The following TECRL variants were observed in gnomAD, a reference collection of about 807,000 sequenced individuals.
TECRL encodes the protein trans-2,3-enoyl-CoA reductase like.
A neutral mutation model predicts 52.8 loss-of-function variants in TECRL; 63 were observed. The observed-to-expected ratio is 1.19, with a 90% CI of 0.97 to 1.47. The LOEUF is 1.47. TECRL is among the 40% of genes most tolerant of loss of function. The pLI is 0.00. For synonymous variants in TECRL, 164 were observed against 141.9 expected (o/e 1.16, Z -1.10); for missense variants, 482 against 429.6 (o/e 1.12, Z -1.08).
At chr4:64,386,655 T>A (rs1723195952) in intron 1 of TECRL, among the ~76,000 whole-genome samples, 2 of 152,202 alleles carry the variant, frequency 1.3e-5, no homozygotes. Context: ...ATACTTATGC[T>A]GTTTTTCAAG....
At chr4:64,277,510 A>G (rs1722614045), downstream of TECRL, among the ~76,000 whole-genome samples, 1 of 151,788 alleles carries the variant, frequency 6.6e-6, no homozygotes, top group Non-Finnish European at 1.5e-5. Flanking sequence ...TTTTAATAGT[A>G]TGCTTTGGGA....
intron 9 of TECRL, among the ~76,000 whole-genome samples, chr4:64,285,733 G>A (rs1409605938): frequency 6.6e-6 from 1 of 152,074 alleles, no homozygotes; most frequent in Non-Finnish European, 1.5e-5. Flanking sequence ...GGGAGAAATT[G>A]AATACAATTA....
At chr4:64,341,614 A>G (rs965708558) in intron 2 of TECRL, among the ~76,000 whole-genome samples, 1 of 152,076 alleles carries the variant, frequency 6.6e-6, no homozygotes, top group Non-Finnish European at 1.5e-5. Context: ...TAAAAAAAAA[A>G]TGGGGCTAAA....
intron 3 of TECRL, among the ~76,000 whole-genome samples, chr4:64,324,677 A>C (rs1440000322): frequency 6.6e-6 from 1 of 152,132 alleles, no homozygotes; most frequent in African/African-American, 2.4e-5. Flanking sequence ...GGTCATGTTA[A>C]TGTATATGGT....
chr4:64,305,969 T>C (rs1724312783), intron 6 of TECRL, among the ~76,000 whole-genome samples: 1 of 152,188 alleles, frequency 6.6e-6, no homozygotes, highest in Non-Finnish European at 1.5e-5. Context: ...CACTCTCCAG[T>C]GTCCATGTTC....
chr4:64,330,825 A>C (rs1718587446), intron 2 of TECRL, among the ~76,000 whole-genome samples: 1 of 152,166 alleles, frequency 6.6e-6, no homozygotes, highest in Non-Finnish European at 1.5e-5. Context: ...TGAAGCATGC[A>C]GTCAATACAA....
At chr4:64,358,959 G>A (rs951351946) in intron 2 of TECRL, among the ~76,000 whole-genome samples, 1 of 151,604 alleles carries the variant, frequency 6.6e-6, no homozygotes, top group Admixed American at 6.6e-5. Context: ...TATCCATAAG[G>A]ACCAATAATT....
At chr4:64,374,486 G>A (rs956584392) in intron 2 of TECRL, among the ~76,000 whole-genome samples, 3 of 151,616 alleles carry the variant, frequency 2.0e-5, no homozygotes. Flanking sequence ...ATGTATACAT[G>A]TGCCATGTTG....
At chr4:64,393,919 A>G (rs1723732112) in intron 1 of TECRL, among the ~76,000 whole-genome samples, 1 of 152,004 alleles carries the variant, frequency 6.6e-6, no homozygotes, top group Non-Finnish European at 1.5e-5. Flanking sequence ...TGTTACATAC[A>G]TATTTTAAGC....
intron 1 of TECRL, among the ~76,000 whole-genome samples, chr4:64,406,828 C>T (rs1279357873): frequency 1.3e-5 from 2 of 151,882 alleles, no homozygotes; most frequent in African/African-American, 4.8e-5. Context: ...GAAAGACGGG[C>T]ACTAAGTTAT....
At chr4:64,341,092 G>A (rs1222951067) in intron 2 of TECRL, among the ~76,000 whole-genome samples, 1 of 152,046 alleles carries the variant, frequency 6.6e-6, no homozygotes, top group Non-Finnish European at 1.5e-5. Flanking sequence ...CCCACTCTAG[G>A]GTCTCCTCTC....
intron 2 of TECRL, among the ~76,000 whole-genome samples, chr4:64,371,093 T>C (rs1413133468): frequency 1.3e-5 from 2 of 151,716 alleles, no homozygotes; most frequent in African/African-American, 2.4e-5. Flanking sequence ...TGGTCATCCA[T>C]TATAACTGAT....
intron 5 of TECRL, among the ~76,000 whole-genome samples, chr4:64,310,720 C>A (rs1239836093): frequency 1.3e-5 from 2 of 152,146 alleles, no homozygotes; most frequent in South Asian, 2.1e-4. Context: ...AGATGACCTA[C>A]TTTTTGTGCG....
chr4:64,406,471 A>G (rs1262228784), intron 1 of TECRL, among the ~76,000 whole-genome samples: 1 of 151,914 alleles, frequency 6.6e-6, no homozygotes, highest in East Asian at 1.9e-4. Flanking sequence ...CAAAAGGCTC[A>G]GCATTTGTTA....
chr4:64,348,783 A>G (rs899522403), intron 2 of TECRL, among the ~76,000 whole-genome samples: 1 of 151,998 alleles, frequency 6.6e-6, no homozygotes, highest in Non-Finnish European at 1.5e-5. Context: ...GTCTCATCCT[A>G]TATACAATTT....
intron 2 of TECRL, among the ~76,000 whole-genome samples, chr4:64,331,654 C>CA (rs1718650279): frequency 6.6e-6 from 1 of 151,890 alleles, no homozygotes; most frequent in Non-Finnish European, 1.5e-5. Context: ...CATGGTAGTG[C>CA]AAAAACCTAC....
At chr4:64,305,815 C>T (rs1393109995) in intron 6 of TECRL, among the ~76,000 whole-genome samples, 1 of 152,172 alleles carries the variant, frequency 6.6e-6, no homozygotes, top group African/African-American at 2.4e-5. Context: ...TACCACTCCC[C>T]TTAGGGTAGA....
chr4:64,309,678 T>C (rs1724549860), intron 6 of TECRL, 148 bp downstream of exon 6: 3 of 656,000 alleles, frequency 4.6e-6, no homozygotes, highest in African/African-American at 1.9e-5. Flanking sequence ...GCAAAAAGAA[T>C]GACATTTTAG....
At chr4:64,314,965 A>C (rs1717387521) in intron 4 of TECRL, among the ~76,000 whole-genome samples, 1 of 152,156 alleles carries the variant, frequency 6.6e-6, no homozygotes, top group African/African-American at 2.4e-5. Flanking sequence ...ATTTGGAATA[A>C]AAATAAATAT....
Sources: gnomAD v4.1 joint callset for allele counts (sites outside exome capture counted in the v4.1 genomes callset) on GRCh38, gnomAD v4.1.1 for gene constraint, MANE v1.5 for transcripts, NCBI Gene and HGNC (gene_info 2026-07-23, HGNC 2026-07-21) for gene names.